The following DDIAS variants were observed in gnomAD, a reference collection of about 807,000 sequenced individuals.
The protein encoded by DDIAS is DNA damage-induced apoptosis suppressor protein.
In DDIAS, 14 loss-of-function variants were observed where a neutral mutation model predicts 15.7. The ratio of observed to expected loss-of-function variants is 0.89; its 90% CI spans 0.59 to 1.39. DDIAS has a LOEUF of 1.39. Among genes scored for constraint, DDIAS ranks in the 40% most tolerant of loss-of-function variants. DDIAS has a pLI of 0.00. For synonymous variants in DDIAS, 355 were observed against 395.9 expected (o/e 0.90, Z 1.23); for missense variants, 1,035 against 1,130.9 (o/e 0.92, Z 1.22).
chr11:82,933,666 A>G lies in DDIAS; in HGVS notation c.2328A>G (p.Pro776=), dbSNP rs780551480. 2.1e-5 allele frequency: 34 copies of G among 1,614,114 alleles called. No individual in the cohort carries two copies. In the South Asian group the frequency reaches 3.7e-4, roughly 18 times the overall value. Residue 776 remains proline, a synonymous_variant, in exon 6 of 6, where the codon CCA becomes CCG. Transcript: ENST00000533655. ...TTGTTCCATGTTCACAGTCAACTCC[A>G]ATTTCAGGGTTCCACCAAACAAGAA... is the stretch of plus-strand genomic sequence containing the variant. The part of the protein sequence containing the change: ...QDFVPCSQST[P]ISGFHQTRIH...
At position 82,930,106 on chromosome 11, in the gene DDIAS, T is replaced by G. The variant is rs753672461; in HGVS notation, c.276-51T>G. On this transcript the variant is annotated intron_variant, in intron 4 of 5. Coordinates refer to ENST00000533655, the MANE Select transcript of DDIAS (RefSeq NM_145018.4). ...ATTGTGTCTCTGACTTTATGGCAAG[T>G]AAAATTTCAAAGTTCATTGCTTCAC... 13 of 1,083,828 alleles carry G rather than the reference T, an allele frequency of 1.2e-5. No homozygotes were observed. The South Asian group carries it at 1.6e-4, about 13-fold the overall frequency. 67.1% of individuals were successfully genotyped at this position (1,083,828 alleles called of 1,614,324 possible).
At chr11:82,902,661 C>T (rs548826270) in intron 1 of DDIAS, among the ~76,000 whole-genome samples, 1 of 152,316 alleles carries the variant, frequency 6.6e-6, no homozygotes, top group Admixed American at 6.5e-5. Flanking sequence ...TCCTGAAGTG[C>T]ACTATCCTCC....
chr11:82,913,757 G>A (rs980016111), intron 2 of DDIAS: 16 of 429,290 alleles, frequency 3.7e-5, no homozygotes, highest in Non-Finnish European at 3.7e-5. Context: ...GTAAGTTCAT[G>A]TACACATTGA....
chr11:82,923,008 C>T (rs912242337), intron 3 of DDIAS, among the ~76,000 whole-genome samples: 1 of 152,168 alleles, frequency 6.6e-6, no homozygotes, highest in Non-Finnish European at 1.5e-5. Context: ...GGGTGGTATT[C>T]AGGGTTTGTC....
intron 3 of DDIAS, among the ~76,000 whole-genome samples, chr11:82,916,968 T>C (rs1467176660): frequency 1.3e-5 from 2 of 152,152 alleles, no homozygotes; most frequent in African/African-American, 4.8e-5. Flanking sequence ...CATCTTCCCC[T>C]CTCTTTCTTA....
chr11:82,931,853 T>TTG lies in DDIAS; in HGVS notation c.516_517dup (p.Ala173ValfsTer36). ...CAGATTGTTCTACCAGACCCAGGTA[T>TTG]TGCAGGCTTTACTGTCATTGACTAC... is the stretch of plus-strand genomic sequence containing the variant. On this transcript the variant is annotated frameshift_variant, in exon 6 of 6. Coordinates refer to ENST00000533655, the MANE Select transcript of DDIAS (RefSeq NM_145018.4). LOFTEE classifies it low-confidence loss of function (END_TRUNC). 1.9e-6 allele frequency: 3 copies of TTG among 1,614,240 alleles called. No individual in the cohort carries two copies. Among genetic ancestry groups the TTG allele is most frequent in the Non-Finnish European group, 2.5e-6 (3 of 1,180,034 alleles).
At chr11:82,920,299 AATTTT>A in intron 3 of DDIAS, among the ~76,000 whole-genome samples, 1 of 151,884 alleles carries the variant, frequency 6.6e-6, no homozygotes, top group East Asian at 1.9e-4. Flanking sequence ...ACGGTCTATC[AATTTT>A]ATTTATCTTT....
In DDIAS at chr11:82,934,521, A is replaced by C. The variant is rs1861079558; in HGVS notation, c.*186A>C. ...TGTTTTCCCCAGGGTTTTATCTAGA[A>C]TACTATGATTAGGTAGTTGAGCACT... On this transcript the variant is annotated 3_prime_UTR_variant, in exon 6 of 6. Transcript: ENST00000533655. 1.9e-6 allele frequency: 1 copy of C among 533,836 alleles called. No individual in the cohort carries two copies. The allele number at this position is 533,836 out of a possible 1,614,324, so 33.1% of individuals were successfully genotyped here. A position where few individuals can be genotyped will look rare whatever the true frequency, so the allele number is the denominator to read the frequency against.
At chr11:82,905,905 A>G (rs375322977) in intron 1 of DDIAS, among the ~76,000 whole-genome samples, 1 of 152,230 alleles carries the variant, frequency 6.6e-6, no homozygotes, top group Non-Finnish European at 1.5e-5. Context: ...GTGAAAAGAA[A>G]GATAAACTGC....
intron 3 of DDIAS, among the ~76,000 whole-genome samples, chr11:82,921,553 C>T (rs1340718506): frequency 6.9e-6 from 1 of 144,742 alleles, no homozygotes; most frequent in Non-Finnish European, 1.5e-5. Flanking sequence ...CTCCTTTTCA[C>T]AGTTTTTTTC....
chr11:82,910,280 T>G (rs1378855244), intron 1 of DDIAS, among the ~76,000 whole-genome samples: 4 of 29,556 alleles, frequency 1.4e-4, no homozygotes, highest in Non-Finnish European at 2.5e-4. Context: ...CAAACCAACC[T>G]TTTTTTTTTT....
intron 1 of DDIAS, among the ~76,000 whole-genome samples, chr11:82,902,471 A>G (rs1422658666): frequency 6.6e-6 from 1 of 150,614 alleles, no homozygotes; most frequent in Non-Finnish European, 1.5e-5. Context: ...CTGGGCTGAT[A>G]AAGTTCATAT....
At chr11:82,914,579 T>A (rs1232661637) in intron 2 of DDIAS, 144 bp from the exon 3 acceptor site, 2 of 501,930 alleles carry the variant, frequency 4.0e-6, no homozygotes, top group African/African-American at 4.0e-5. Context: ...AATTTTCCAA[T>A]ACATTGATAC....
intron 3 of DDIAS, among the ~76,000 whole-genome samples, chr11:82,926,113 G>T (rs1860857155): frequency 7.3e-6 from 1 of 136,774 alleles, no homozygotes; most frequent in African/African-American, 2.8e-5. Context: ...TTTGAGACAG[G>T]GTCTGGCTCT....
chr11:82,916,247 G>T (rs1297790091), intron 3 of DDIAS, among the ~76,000 whole-genome samples: 5 of 152,176 alleles, frequency 3.3e-5, no homozygotes, highest in Non-Finnish European at 7.4e-5. Flanking sequence ...AAATGTTCTA[G>T]TAGAATACAT....
At chr11:82,929,241 A>G (rs1860933448) in intron 4 of DDIAS, among the ~76,000 whole-genome samples, 2 of 152,248 alleles carry the variant, frequency 1.3e-5, no homozygotes, top group Admixed American at 6.5e-5. Context: ...AGAATTATCC[A>G]AATTGAGGTT....
rs1861046643 is a variant in DDIAS, at chr11:82,933,464, C to T, written c.2126C>T (p.Ala709Val). ...TTGTTAAAATGGGGAACATCTTTGGCAGAAAGTCACCCTTCAGAGTCTGAT... is the reference window on the plus strand; with the variant it reads ...TTGTTAAAATGGGGAACATCTTTGGTAGAAAGTCACCCTTCAGAGTCTGAT... ...DILLKWGTSL[A>V]ESHPSESDFS... Residue 709 changes from alanine (A) to valine (V), a missense_variant, in exon 6 of 6, where the codon GCA becomes GTA. Coordinates refer to ENST00000533655, the MANE Select transcript of DDIAS (RefSeq NM_145018.4). The T allele has an allele frequency of 1.2e-6, 2 of 1,613,826 alleles. No homozygotes were observed. Among genetic ancestry groups the T allele is most frequent in the East Asian group, 4.5e-5 (2 of 44,854 alleles).
In DDIAS at chr11:82,901,774, T is replaced by C. The variant is rs977765901; in HGVS notation, c.-165T>C. 2 of 152,048 alleles carry C rather than the reference T, an allele frequency of 1.3e-5. No homozygotes were observed. Among genetic ancestry groups the C allele is most frequent in the Admixed American group, 6.5e-5 (1 of 15,268 alleles). 9.4% of individuals were successfully genotyped at this position (152,048 alleles called of 1,614,324 possible). A position where few individuals can be genotyped will look rare whatever the true frequency, so the allele number is the denominator to read the frequency against. On this transcript the variant is annotated 5_prime_UTR_variant, in exon 1 of 6. Coordinates refer to ENST00000533655, the MANE Select transcript of DDIAS (RefSeq NM_145018.4). ...CCGGCGTGCTACTGAGTTCGGCCGGTCCGAGTCACTGTGCGTCGCCTGGGC... is the reference window on the plus strand; with the variant it reads ...CCGGCGTGCTACTGAGTTCGGCCGGCCCGAGTCACTGTGCGTCGCCTGGGC...
intron 3 of DDIAS, among the ~76,000 whole-genome samples, chr11:82,915,060 A>G (rs1461910240): frequency 1.3e-5 from 2 of 152,230 alleles, no homozygotes; most frequent in Non-Finnish European, 2.9e-5. Flanking sequence ...TTTGCTAAAT[A>G]CTTGCCTCAT....
Sources: allele counts gnomAD v4.1 joint callset (sites outside exome capture counted in the v4.1 genomes callset), GRCh38; gene constraint gnomAD v4.1.1; transcripts MANE v1.5; gene names NCBI Gene and HGNC (gene_info 2026-07-23, HGNC 2026-07-21).